PLEKHH2: variants seen among roughly 807,000 people sequenced by gnomAD.
PLEKHH2 encodes pleckstrin homology, MyTH4 and FERM domain containing H2.
PLEKHH2 carries 129 observed loss-of-function variants against 187.9 expected under a neutral mutation model. The observed-to-expected ratio is 0.69, with a 90% CI of 0.59 to 0.79. The LOEUF (loss-of-function observed/expected upper bound fraction) is 0.79. Among genes scored for constraint, PLEKHH2 ranks in the 30% least tolerant of loss-of-function variants. The probability of loss-of-function intolerance (pLI) is 0.00; values close to 1 mark genes in which losing one functional copy is unlikely to be tolerated. For synonymous variants in PLEKHH2, 686 were observed against 605.6 expected (o/e 1.13, Z -1.95); for missense variants, 2,076 against 1,751.2 (o/e 1.19, Z -3.31).
chr2:43,642,503 A>G (rs1665989221), intron 1 of PLEKHH2, among the ~76,000 whole-genome samples: 2 of 152,166 alleles, frequency 1.3e-5, no homozygotes, highest in Non-Finnish European at 2.9e-5. Flanking sequence ...AGTGTTGAAT[A>G]GAAGTGGTGA....
chr2:43,665,845 C>G (rs1344495040), intron 2 of PLEKHH2, among the ~76,000 whole-genome samples: 1 of 133,002 alleles, frequency 7.5e-6, no homozygotes, highest in Non-Finnish European at 1.6e-5. Context: ...AGATCTCCAG[C>G]TGCGTGCTGG....
chr2:43,761,928 A>G (rs918894155), intron 27 of PLEKHH2, among the ~76,000 whole-genome samples: 1 of 152,180 alleles, frequency 6.6e-6, no homozygotes, highest in Non-Finnish European at 1.5e-5. Flanking sequence ...ATTTTGCTTC[A>G]TTAGGATTTT....
chr2:43,683,640 A>G (rs1379184545), intron 3 of PLEKHH2, among the ~76,000 whole-genome samples: 1 of 152,120 alleles, frequency 6.6e-6, no homozygotes, highest in African/African-American at 2.4e-5. Context: ...ATGTGATTTA[A>G]CAAGCTCCTC....
chr2:43,641,916 A>C (rs1665953528), intron 1 of PLEKHH2, among the ~76,000 whole-genome samples: 1 of 152,226 alleles, frequency 6.6e-6, no homozygotes, highest in South Asian at 2.1e-4. Flanking sequence ...AGAAATAGTA[A>C]CATGTGAGTC....
At chr2:43,651,217 A>G (rs568048207) in intron 2 of PLEKHH2, among the ~76,000 whole-genome samples, 2 of 151,846 alleles carry the variant, frequency 1.3e-5, no homozygotes, top group South Asian at 4.2e-4. Flanking sequence ...ATGTGTATTC[A>G]TTATGCCTGC....
At chr2:43,717,964 G>A (rs778649888) in intron 15 of PLEKHH2, among the ~76,000 whole-genome samples, 38 of 152,220 alleles carry the variant, frequency 2.5e-4, no homozygotes, top group Non-Finnish European at 4.3e-4. Context: ...CTGGTGGCAG[G>A]ATTTGTGGTG....
At chr2:43,686,274 G>A (rs1005900154) in intron 3 of PLEKHH2, among the ~76,000 whole-genome samples, 2 of 151,906 alleles carry the variant, frequency 1.3e-5, no homozygotes, top group African/African-American at 4.8e-5. Flanking sequence ...CTGGCTCACC[G>A]CAGCCTCTGC....
intron 16 of PLEKHH2, among the ~76,000 whole-genome samples, chr2:43,721,328 A>G (rs1223862357): frequency 6.6e-6 from 1 of 152,148 alleles, no homozygotes; most frequent in African/African-American, 2.4e-5. Flanking sequence ...CCTTTGGATA[A>G]CTGAAGCTAT....
chr2:43,702,527 C>CTTTTTTTTTTTTTTTTTTTTTTTTTT lies in PLEKHH2; in HGVS notation c.1651-1432_1651-1431insTTTTTTTTTTTTTTTTTTTTTTTTTT, dbSNP rs1167078689. Among the ~76,000 whole-genome samples the CTTTTTTTTTTTTTTTTTTTTTTTTTT allele has an allele frequency of 2.8e-4, 16 of 57,412 alleles. 1 individual carries two copies. The highest frequency in any genetic ancestry group is 5.7e-4 in the African/African-American group (6 of 10,478). The allele number at this position is 57,412 out of a possible 152,430, so 37.7% of individuals were successfully genotyped here. ...TTTTATTTGGCAACCCATTCTACTACTTTTTTTTTTTTTTTTTTTTTTCCA... is the reference window on the plus strand; with the variant it reads ...TTTTATTTGGCAACCCATTCTACTACTTTTTTTTTTTTTTTTTTTTTTTTTTTTTTTTTTTTTTTTTTTTTTTTCCA... On this transcript the variant is annotated intron_variant, in intron 8 of 29. Coordinates refer to ENST00000282406, the MANE Select transcript of PLEKHH2 (RefSeq NM_172069.4).
At chr2:43,706,551 C>A in intron 10 of PLEKHH2, 135 bp downstream of exon 10, 1 of 651,572 alleles carries the variant, frequency 1.5e-6, no homozygotes, top group Non-Finnish European at 2.6e-6. Flanking sequence ...TACAAGTTCA[C>A]GTTAACATAT....
intron 10 of PLEKHH2, 31 bp downstream of exon 10, chr2:43,706,447 T>C: frequency 7.0e-7 from 1 of 1,428,538 alleles, no homozygotes. Flanking sequence ...TTAAAACATG[T>C]GCTTCTCTTC....
chr2:43,685,470 C>G (rs999995588), intron 3 of PLEKHH2, among the ~76,000 whole-genome samples: 3 of 152,124 alleles, frequency 2.0e-5, no homozygotes, highest in Non-Finnish European at 4.4e-5. Context: ...CTCTGTCATC[C>G]AGGCTGGAGT....
chr2:43,747,469 G>A (rs1168908301), intron 24 of PLEKHH2, among the ~76,000 whole-genome samples: 1 of 152,222 alleles, frequency 6.6e-6, no homozygotes, highest in Non-Finnish European at 1.5e-5. Flanking sequence ...TCAAAGGCCT[G>A]TAGATGGAGG....
intron 19 of PLEKHH2, among the ~76,000 whole-genome samples, chr2:43,737,320 A>G (rs1430936089): frequency 6.6e-6 from 1 of 152,248 alleles, no homozygotes; most frequent in African/African-American, 2.4e-5. Flanking sequence ...CAAGTATGAC[A>G]ATACAATGGG....
intron 11 of PLEKHH2, 95 bp downstream of exon 11, chr2:43,707,640 A>G: frequency 6.9e-7 from 1 of 1,451,038 alleles, no homozygotes; most frequent in Non-Finnish European, 9.3e-7. Context: ...TTTTAAATCC[A>G]AGAACTTGCT....
At chr2:43,712,904 T>C (rs528045496) in intron 15 of PLEKHH2, among the ~76,000 whole-genome samples, 1 of 152,246 alleles carries the variant, frequency 6.6e-6, no homozygotes, top group African/African-American at 2.4e-5. Flanking sequence ...TGGTGAAAAG[T>C]AAGACGTTTT....
rs754781824 is a variant in PLEKHH2, at chr2:43,743,953, C to T, written c.3519C>T (p.Gly1173=). The change falls in exon 23 of 30, where the codon GGC becomes GGT. Residue 1173 remains glycine, a synonymous_variant. Transcript: ENST00000282406. Reference sequence around the variant, plus strand: ...CGTTGTTCACTGACGATCCTTCTGGCAGAGATTTAGAGCATTGTCTTCAAG... The same window carrying T: ...CGTTGTTCACTGACGATCCTTCTGGTAGAGATTTAGAGCATTGTCTTCAAG... ...GFALFTDDPS[G]RDLEHCLQGN... 2 of 1,613,980 alleles carry T rather than the reference C, an allele frequency of 1.2e-6. No individual in the cohort carries two copies. Among genetic ancestry groups the T allele is most frequent in the Admixed American group, 1.7e-5 (1 of 60,010 alleles).
chr2:43,731,977 A>C (rs921135709), intron 19 of PLEKHH2, among the ~76,000 whole-genome samples: 14 of 152,164 alleles, frequency 9.2e-5, no homozygotes, highest in African/African-American at 3.4e-4. Context: ...CTCAATCTCT[A>C]TTAGAAATCC....
chr2:43,692,388 GC>G, intron 3 of PLEKHH2, 125 bp from the exon 4 acceptor site: 2 of 686,730 alleles, frequency 2.9e-6, no homozygotes, highest in African/African-American at 3.7e-5. Flanking sequence ...ATTAAACCTT[GC>G]TGTTTAATAT....
Sources: gnomAD v4.1 joint callset for allele counts (sites outside exome capture counted in the v4.1 genomes callset) on GRCh38, gnomAD v4.1.1 for gene constraint, MANE v1.5 for transcripts, NCBI Gene and HGNC (gene_info 2026-07-23, HGNC 2026-07-21) for gene names.